DCC: variants seen among roughly 807,000 people sequenced by gnomAD.
DCC encodes netrin receptor DCC.
Under a neutral mutation model 172.5 loss-of-function variants are expected in DCC, and 58 were observed. The observed-to-expected ratio is 0.34, with a 90% CI of 0.27 to 0.42. The LOEUF (loss-of-function observed/expected upper bound fraction) is 0.42, where lower values mean the gene tolerates loss of function less well. Among genes scored for constraint, DCC ranks in the 10% least tolerant of loss-of-function variants. The pLI is 1.00. For synonymous variants in DCC, 709 were observed against 644.5 expected, an observed-to-expected ratio of 1.10 and a Z score of -1.52; for missense variants, 1,740 against 1,791.0, an observed-to-expected ratio of 0.97 and a Z score of 0.51.
chr18:52,779,998 T>C (rs908870915), intron 2 of DCC, among the ~76,000 whole-genome samples: 6 of 152,220 alleles, frequency 3.9e-5, no homozygotes, highest in Non-Finnish European at 8.8e-5. Flanking sequence ...GAAAGAGAAA[T>C]TGACATCTTT....
chr18:52,459,555 C>T (rs753125284), intron 1 of DCC, among the ~76,000 whole-genome samples: 6 of 151,930 alleles, frequency 3.9e-5, no homozygotes, highest in Non-Finnish European at 7.4e-5. Context: ...GCAAGCTCTG[C>T]CTCCCGGGTT....
intron 1 of DCC, among the ~76,000 whole-genome samples, chr18:52,507,609 A>T (rs1364744303): frequency 6.6e-6 from 1 of 152,164 alleles, no homozygotes; most frequent in Non-Finnish European, 1.5e-5. Flanking sequence ...CTGTGTTCCC[A>T]GCATGAGCCA....
chr18:52,353,328 T>C (rs1437240569), intron 1 of DCC, among the ~76,000 whole-genome samples: 1 of 152,152 alleles, frequency 6.6e-6, no homozygotes, highest in African/African-American at 2.4e-5. Flanking sequence ...TTTCATTCCA[T>C]AGTTTCCCCT....
At chr18:53,089,700 A>G (rs1345717521) in intron 7 of DCC, among the ~76,000 whole-genome samples, 1 of 152,166 alleles carries the variant, frequency 6.6e-6, no homozygotes, top group Non-Finnish European at 1.5e-5. Context: ...CATCCCTATT[A>G]TATAGCCATA....
At chr18:53,425,357 C>CTCTTTTT (rs1384934198) in intron 21 of DCC, among the ~76,000 whole-genome samples, 3 of 101,630 alleles carry the variant, frequency 3.0e-5, no homozygotes, top group Non-Finnish European at 5.8e-5. Context: ...TTTCTCCTCT[C>CTCTTTTT]TTTTTTTTTT....
At chr18:52,930,449 T>G (rs1328245624) in intron 5 of DCC, among the ~76,000 whole-genome samples, 1 of 152,122 alleles carries the variant, frequency 6.6e-6, no homozygotes, top group Non-Finnish European at 1.5e-5. Flanking sequence ...AACAACCCAC[T>G]AAGTTAATTA....
chr18:53,204,322 G>A (rs549309062), intron 9 of DCC, among the ~76,000 whole-genome samples: 45 of 152,174 alleles, frequency 3.0e-4, no homozygotes, highest in Admixed American at 8.5e-4. Flanking sequence ...CAGGAGGATC[G>A]CTTGCCAGGA....
chr18:52,463,281 C>A (rs191200304), intron 1 of DCC, among the ~76,000 whole-genome samples: 18 of 152,094 alleles, frequency 1.2e-4, no homozygotes, highest in Admixed American at 2.6e-4. Flanking sequence ...GCCACAGTGG[C>A]CTTTTCCTCC....
intron 5 of DCC, among the ~76,000 whole-genome samples, chr18:52,975,356 C>T (rs1344536582): frequency 1.3e-5 from 2 of 152,124 alleles, no homozygotes; most frequent in African/African-American, 4.8e-5. Flanking sequence ...TAGGACTCTA[C>T]TCTTTTTTTA....
chr18:52,747,516 ACCT>A lies in DCC; in HGVS notation c.92-4534_92-4532del, dbSNP rs200710220. 5.9e-5 allele frequency among the ~76,000 whole-genome samples: 9 copies of A among 151,770 alleles called. No homozygotes were observed. In the East Asian group the frequency reaches 1.7e-3, roughly 30 times the overall value. On this transcript the variant is annotated intron_variant, in intron 1 of 28. Coordinates refer to ENST00000442544, the MANE Select transcript of DCC (RefSeq NM_005215.4). ...TGAGTTCTTCTGTTGCCTTCCCATG[ACCT>A]CCTTCCATGCATTTTCCAGGAGGTC... is the stretch of plus-strand genomic sequence containing the variant.
At chr18:52,466,533 C>A (rs1988790341) in intron 1 of DCC, among the ~76,000 whole-genome samples, 1 of 152,090 alleles carries the variant, frequency 6.6e-6, no homozygotes, top group Non-Finnish European at 1.5e-5. Flanking sequence ...ATCATTGGTT[C>A]TAGTCTAATT....
rs192589116 is a variant in DCC at position 53,439,998 on chromosome 18, C to T, written c.3229+4789C>T. On this transcript the variant is annotated intron_variant, in intron 22 of 28. Transcript: ENST00000442544. ...GCCGGGATGGTCTCGATCTCTTGAC[C>T]TCGTGATCCGCCCGCCTCGGCCTCC... 6.0e-4 allele frequency among the ~76,000 whole-genome samples: 91 copies of T among 151,528 alleles called. No individual in the cohort carries two copies. The East Asian group carries it at 7.6e-3, about 13-fold the overall frequency.
intron 5 of DCC, among the ~76,000 whole-genome samples, chr18:52,972,708 A>G (rs185286053): frequency 6.6e-6 from 1 of 152,326 alleles, no homozygotes; most frequent in Non-Finnish European, 1.5e-5. Flanking sequence ...TGTTAGCACA[A>G]ATGTACTTCT....
chr18:52,641,637 G>C (rs2034892816), intron 1 of DCC, among the ~76,000 whole-genome samples: 1 of 152,060 alleles, frequency 6.6e-6, no homozygotes, highest in Admixed American at 6.6e-5. Flanking sequence ...CTAATGATCA[G>C]GGAAATGCAA....
chr18:53,256,387 G>A (rs1326619353), intron 12 of DCC, among the ~76,000 whole-genome samples: 1 of 152,082 alleles, frequency 6.6e-6, no homozygotes, highest in African/African-American at 2.4e-5. Flanking sequence ...ATTAATTTTT[G>A]TATAAGGTGT....
intron 7 of DCC, among the ~76,000 whole-genome samples, chr18:53,137,026 C>A (rs987839363): frequency 6.6e-6 from 1 of 152,160 alleles, no homozygotes; most frequent in Non-Finnish European, 1.5e-5. Context: ...TTCTACTTAC[C>A]TAGGAAGAGG....
At chr18:52,804,500 A>C (rs1368911543) in intron 2 of DCC, among the ~76,000 whole-genome samples, 1 of 152,196 alleles carries the variant, frequency 6.6e-6, no homozygotes, top group Admixed American at 6.5e-5. Context: ...ATAGACAAAA[A>C]AAGATAAGAA....
chr18:52,504,921 A>G (rs1043847866), intron 1 of DCC, among the ~76,000 whole-genome samples: 1 of 152,174 alleles, frequency 6.6e-6, no homozygotes, highest in Non-Finnish European at 1.5e-5. Flanking sequence ...TGAGCACCCT[A>G]TTAATACCTA....
chr18:52,428,405 C>T (rs1382221284), intron 1 of DCC, among the ~76,000 whole-genome samples: 1 of 151,974 alleles, frequency 6.6e-6, no homozygotes, highest in Non-Finnish European at 1.5e-5. Context: ...AAAAATGTAA[C>T]AAATGTGTTT....
Sources: allele counts gnomAD v4.1 joint callset (sites outside exome capture counted in the v4.1 genomes callset), GRCh38; gene constraint gnomAD v4.1.1; transcripts MANE v1.5; gene names NCBI Gene and HGNC (gene_info 2026-07-23, HGNC 2026-07-21).